GRXCR1: variants seen among roughly 807,000 people sequenced by gnomAD.
GRXCR1 encodes the protein glutaredoxin domain-containing cysteine-rich protein 1.
In GRXCR1, 27 loss-of-function variants were observed where a neutral mutation model predicts 27.3. The ratio of observed to expected loss-of-function variants is 0.99; its 90% CI spans 0.73 to 1.37. The LOEUF (loss-of-function observed/expected upper bound fraction) is 1.37, where lower values mean the gene tolerates loss of function less well. Ranked by LOEUF, GRXCR1 falls within the 40% of genes most tolerant of loss-of-function variation. GRXCR1 has a pLI of 0.00. For missense variants in GRXCR1, 379 were observed against 354.4 expected (o/e 1.07, Z -0.56); for synonymous variants, 122 against 131.1 (o/e 0.93, Z 0.47).
intron 3 of GRXCR1, among the ~76,000 whole-genome samples, chr4:43,024,721 T>G (rs1049936509): frequency 6.6e-6 from 1 of 152,216 alleles, no homozygotes; most frequent in Non-Finnish European, 1.5e-5. Flanking sequence ...ATTTATTTTT[T>G]TAGCAGCTTG....
At chr4:42,915,971 C>T (rs1207895595) in intron 1 of GRXCR1, among the ~76,000 whole-genome samples, 2 of 151,628 alleles carry the variant, frequency 1.3e-5, no homozygotes, top group Admixed American at 6.6e-5. Flanking sequence ...GACTGGACAT[C>T]TCTTGGAAAA....
intron 1 of GRXCR1, among the ~76,000 whole-genome samples, chr4:42,933,160 C>A: frequency 6.6e-6 from 1 of 151,954 alleles, no homozygotes; most frequent in Non-Finnish European, 1.5e-5. Context: ...AGGACACATC[C>A]CATGTCTAAT....
At position 42,995,960 on chromosome 4, in the gene GRXCR1, C is replaced by T. The variant is rs188461376; in HGVS notation, c.628-24394C>T. 3.9e-5 allele frequency among the ~76,000 whole-genome samples: 6 copies of T among 152,268 alleles called. No homozygotes were observed. In the East Asian group the frequency reaches 1.2e-3, roughly 29 times the overall value. On this transcript the variant is annotated intron_variant, in intron 2 of 3. Coordinates refer to ENST00000399770, the MANE Select transcript of GRXCR1 (RefSeq NM_001080476.3). ...AAAGGCTTTATCTACTACTATGGGT[C>T]CTACAGGAGAACACCTCAAATATAA...
chr4:42,950,644 T>C (rs1430117988), intron 1 of GRXCR1, among the ~76,000 whole-genome samples: 1 of 152,206 alleles, frequency 6.6e-6, no homozygotes, highest in African/African-American at 2.4e-5. Flanking sequence ...TAGTGATAGA[T>C]GGCATGTTTG....
At chr4:42,971,791 C>CAA (rs112846165) in intron 2 of GRXCR1, among the ~76,000 whole-genome samples, 3 of 147,174 alleles carry the variant, frequency 2.0e-5, no homozygotes, top group South Asian at 2.2e-4. Flanking sequence ...TCTCATGTCT[C>CAA]AAAAAAAAAA....
At chr4:42,954,155 G>C (rs1747947030) in intron 1 of GRXCR1, among the ~76,000 whole-genome samples, 1 of 152,158 alleles carries the variant, frequency 6.6e-6, no homozygotes, top group African/African-American at 2.4e-5. Context: ...TGTGTGGATA[G>C]ATAGTGAACC....
At chr4:42,922,982 G>A (rs900273506) in intron 1 of GRXCR1, among the ~76,000 whole-genome samples, 7 of 151,976 alleles carry the variant, frequency 4.6e-5, no homozygotes, top group Admixed American at 1.3e-4. Flanking sequence ...GTTTTCCTTG[G>A]TCAAAATAGT....
intron 2 of GRXCR1, among the ~76,000 whole-genome samples, chr4:43,004,245 A>G (rs897021775): frequency 2.0e-5 from 3 of 152,266 alleles, no homozygotes; most frequent in Admixed American, 6.5e-5. Flanking sequence ...ATGAGAGTTA[A>G]GCTTTGCGAG....
chr4:43,030,509 G>A lies in GRXCR1; in HGVS notation c.842G>A (p.Gly281Asp). Reference sequence around the variant, plus strand: ...AAGTGTACGGCTTGCAATGAAAATGGTCTTCAGCGTTGTAAGAACTGTGCT... The same window carrying A: ...AAGTGTACGGCTTGCAATGAAAATGATCTTCAGCGTTGTAAGAACTGTGCT... Reference protein sequence around the residue: ...ALKCTACNENGLQRCKNCAG With the variant: ...ALKCTACNENDLQRCKNCAG Residue 281 changes from glycine (G) to aspartate (D), a missense_variant, in exon 4 of 4, where the codon GGT becomes GAT. Coordinates refer to ENST00000399770, the MANE Select transcript of GRXCR1 (RefSeq NM_001080476.3). 6.2e-7 allele frequency: 1 copy of A among 1,614,120 alleles called. No individual in the cohort carries two copies. Among genetic ancestry groups the A allele is most frequent in the East Asian group, 2.2e-5 (1 of 44,884 alleles).
At chr4:43,024,650 G>A (rs1476819812) in intron 3 of GRXCR1, among the ~76,000 whole-genome samples, 1 of 152,106 alleles carries the variant, frequency 6.6e-6, no homozygotes, top group Non-Finnish European at 1.5e-5. Context: ...TTGTTCAGTG[G>A]CTTCTTTCTC....
chr4:42,992,383 G>T (rs550401098), intron 2 of GRXCR1, among the ~76,000 whole-genome samples: 3 of 152,192 alleles, frequency 2.0e-5, no homozygotes, highest in South Asian at 4.1e-4. Flanking sequence ...GCACACCAAA[G>T]TCACTCTTCA....
intron 2 of GRXCR1, among the ~76,000 whole-genome samples, chr4:42,975,059 C>A (rs1327288990): frequency 6.6e-6 from 1 of 152,072 alleles, no homozygotes; most frequent in Non-Finnish European, 1.5e-5. Context: ...CTCAGTGGGA[C>A]TCCTATGGCC....
intron 2 of GRXCR1, among the ~76,000 whole-genome samples, chr4:43,014,851 A>G (rs981657412): frequency 1.3e-5 from 2 of 152,210 alleles, no homozygotes; most frequent in African/African-American, 4.8e-5. Flanking sequence ...TTGATTATCT[A>G]TGGTGCACTA....
intron 3 of GRXCR1, among the ~76,000 whole-genome samples, chr4:43,026,662 T>C (rs1021031567): frequency 6.6e-6 from 1 of 152,196 alleles, no homozygotes; most frequent in South Asian, 2.1e-4. Context: ...ACTACTATCA[T>C]AGAGGGAAGA....
chr4:42,943,876 A>G (rs1747680902), intron 1 of GRXCR1, among the ~76,000 whole-genome samples: 1 of 152,046 alleles, frequency 6.6e-6, no homozygotes. Context: ...GATGCCATGT[A>G]TACCTCTAAA....
At chr4:42,969,850 T>C (rs1748343558) in intron 2 of GRXCR1, among the ~76,000 whole-genome samples, 1 of 152,092 alleles carries the variant, frequency 6.6e-6, no homozygotes, top group South Asian at 2.1e-4. Flanking sequence ...CTTAACTCAT[T>C]CCTGCATTAA....
At chr4:43,020,038 A>G (rs912161411) in intron 2 of GRXCR1, among the ~76,000 whole-genome samples, 3 of 152,134 alleles carry the variant, frequency 2.0e-5, no homozygotes, top group African/African-American at 4.8e-5. Flanking sequence ...GACTGGCTCC[A>G]GGCTCCCTAA....
At chr4:43,029,822 C>G (rs905711749) in intron 3 of GRXCR1, among the ~76,000 whole-genome samples, 2 of 152,088 alleles carry the variant, frequency 1.3e-5, no homozygotes, top group African/African-American at 4.8e-5. Flanking sequence ...AGATTCTATA[C>G]AAAAATGCAT....
chr4:42,901,132 G>A (rs982591346), intron 1 of GRXCR1, among the ~76,000 whole-genome samples: 1 of 152,112 alleles, frequency 6.6e-6, no homozygotes, highest in Non-Finnish European at 1.5e-5. Context: ...ATGGTCATTG[G>A]CATCCACATT....
Sources: gnomAD v4.1 joint callset for allele counts (sites outside exome capture counted in the v4.1 genomes callset) on GRCh38, gnomAD v4.1.1 for gene constraint, MANE v1.5 for transcripts, NCBI Gene and HGNC (gene_info 2026-07-23, HGNC 2026-07-21) for gene names.